The following SORCS2 variants were observed in gnomAD, a reference collection of about 807,000 sequenced individuals.
SORCS2 encodes the protein sortilin related VPS10 domain containing receptor 2.
In SORCS2, 100 loss-of-function variants were observed where a neutral mutation model predicts 141.6. That is an observed-to-expected ratio of 0.71 (90% CI 0.60 to 0.83). The LOEUF (loss-of-function observed/expected upper bound fraction) is 0.83, where lower values mean the gene tolerates loss of function less well. Ranked by LOEUF, SORCS2 falls within the 40% of genes least tolerant of loss-of-function variation. The pLI is 0.00. For missense variants in SORCS2, 1,646 were observed against 1,560.2 expected (o/e 1.05, Z -0.93); for synonymous variants, 789 against 676.9 (o/e 1.17, Z -2.57).
chr4:7,514,579 C>T (rs1732859525), intron 2 of SORCS2, among the ~76,000 whole-genome samples: 1 of 151,984 alleles, frequency 6.6e-6, no homozygotes. Context: ...CAGTGAGGGG[C>T]TTCCCACGGG....
chr4:7,261,874 A>G (rs1024488120), intron 1 of SORCS2, among the ~76,000 whole-genome samples: 73 of 152,396 alleles, frequency 4.8e-4, no homozygotes, highest in African/African-American at 1.7e-3. Flanking sequence ...TTAGTGAGCC[A>G]GATGACCGAG....
intron 1 of SORCS2, among the ~76,000 whole-genome samples, chr4:7,395,929 C>T (rs1724181641): frequency 6.6e-6 from 1 of 152,230 alleles, no homozygotes; most frequent in African/African-American, 2.4e-5. Flanking sequence ...CAAATGCGCT[C>T]CATCCTCACA....
At chr4:7,679,961 C>T (rs113828726) in intron 9 of SORCS2, among the ~76,000 whole-genome samples, 2,047 of 152,294 alleles carry the variant, frequency 0.013, 46 homozygotes, top group African/African-American at 0.043. Context: ...CCCAATAACA[C>T]AAACCATCAT....
intron 3 of SORCS2, among the ~76,000 whole-genome samples, chr4:7,586,556 C>T (rs1716550586): frequency 3.3e-5 from 5 of 152,144 alleles, no homozygotes. Flanking sequence ...CTCAGCTCCT[C>T]CTTGTAAGTG....
chr4:7,476,576 C>T (rs149340143), intron 2 of SORCS2, among the ~76,000 whole-genome samples: 1 of 152,266 alleles, frequency 6.6e-6, no homozygotes, highest in African/African-American at 2.4e-5. Flanking sequence ...TCACCTTTCT[C>T]TGCCAATAAA....
At position 7,622,194 on chromosome 4, in the gene SORCS2, G is replaced by A. The variant is rs1356382808; in HGVS notation, c.649-16134G>A. ...AGCCCCTACTCCAACCTGTAGCTCG[G>A]GTGGGAGGAAGACAGGGAGCAAGAA... On this transcript the variant is annotated intron_variant, in intron 3 of 26. Coordinates refer to ENST00000507866, the MANE Select transcript of SORCS2 (RefSeq NM_020777.3). Among the ~76,000 whole-genome samples the A allele has an allele frequency of 2.0e-5, 3 of 152,192 alleles. No homozygotes were observed. In the East Asian group the frequency reaches 5.8e-4, roughly 30 times the overall value.
intron 2 of SORCS2, among the ~76,000 whole-genome samples, chr4:7,416,617 C>T (rs775676020): frequency 2.6e-5 from 4 of 152,122 alleles, no homozygotes; most frequent in South Asian, 2.1e-4. Context: ...TACACAGACA[C>T]GCATATGGAC....
At chr4:7,313,775 C>T (rs1419761482) in intron 1 of SORCS2, among the ~76,000 whole-genome samples, 2 of 152,128 alleles carry the variant, frequency 1.3e-5, no homozygotes, top group African/African-American at 4.8e-5. Context: ...ATGATGTCAC[C>T]CCCCTGCTCA....
intron 1 of SORCS2, among the ~76,000 whole-genome samples, chr4:7,259,622 T>C (rs1361106325): frequency 6.6e-6 from 1 of 152,124 alleles, no homozygotes; most frequent in African/African-American, 2.4e-5. Context: ...CATCCTTTGA[T>C]GTAGCAGTAC....
At chr4:7,640,339 TGA>T (rs1489936616) in intron 4 of SORCS2, among the ~76,000 whole-genome samples, 114 of 149,652 alleles carry the variant, frequency 7.6e-4, no homozygotes, top group African/African-American at 2.3e-3. Context: ...TGTGGGTGTG[TGA>T]GAGTGTGAGA....
chr4:7,633,976 G>A (rs1720067534), intron 3 of SORCS2, among the ~76,000 whole-genome samples: 1 of 121,744 alleles, frequency 8.2e-6, no homozygotes, highest in African/African-American at 2.6e-5. Context: ...TGGCACAGAC[G>A]TGTGGGTCAA....
chr4:7,664,197 C>T lies in SORCS2; in HGVS notation c.953-156C>T, dbSNP rs913308515. Among the ~76,000 whole-genome samples the T allele has an allele frequency of 6.6e-6, 1 of 152,144 alleles. No homozygotes were observed. The highest frequency in any genetic ancestry group is 1.5e-5 in the Non-Finnish European group (1 of 68,038). ...GCCCACAGTGAGCGAGGATGACACC[C>T]TCAGCCGCAGGTGTCATCACGGTGG... is the stretch of plus-strand genomic sequence containing the variant. On this transcript the variant is annotated intron_variant, in intron 6 of 26. Coordinates refer to ENST00000507866, the MANE Select transcript of SORCS2 (RefSeq NM_020777.3). The surrounding 1 kb of genome is among the most constrained non-coding windows in gnomAD (Gnocchi z 4.7).
intron 17 of SORCS2, among the ~76,000 whole-genome samples, chr4:7,716,189 A>G (rs577023751): frequency 1.3e-5 from 2 of 152,240 alleles, no homozygotes; most frequent in Non-Finnish European, 2.9e-5. Flanking sequence ...GACATTTTTC[A>G]GAGAGGAAGA....
intron 1 of SORCS2, among the ~76,000 whole-genome samples, chr4:7,361,891 G>A (rs1227227691): frequency 7.0e-6 from 1 of 142,910 alleles, no homozygotes; most frequent in Non-Finnish European, 1.5e-5. Context: ...AGAGCACAGT[G>A]AGAAGCGGTG....
At chr4:7,703,784 G>C (rs1384683498) in intron 13 of SORCS2, among the ~76,000 whole-genome samples, 2 of 152,236 alleles carry the variant, frequency 1.3e-5, no homozygotes, top group African/African-American at 4.8e-5. Flanking sequence ...GGACCCAGAA[G>C]GCACAGCCGG....
chr4:7,210,201 T>C (rs1233010634), intron 1 of SORCS2, among the ~76,000 whole-genome samples: 1 of 152,206 alleles, frequency 6.6e-6, no homozygotes, highest in Non-Finnish European at 1.5e-5. Flanking sequence ...ATGTGAAGGC[T>C]GGGCCCCCGG....
At chr4:7,434,078 C>G in intron 2 of SORCS2, 1 of 1,611,448 alleles carries the variant, frequency 6.2e-7, no homozygotes, top group Non-Finnish European at 8.5e-7. Context: ...CCGTCCATGG[C>G]CACTACTTGA....
intron 5 of SORCS2, 72 bp downstream of exon 5, chr4:7,654,279 G>A (rs760956558): frequency 1.3e-6 from 2 of 1,484,732 alleles, no homozygotes; most frequent in Non-Finnish European, 1.8e-6. Context: ...CAAACCCTTG[G>A]GAGCCCATCC....
chr4:7,369,141 C>T (rs1247650424), intron 1 of SORCS2, among the ~76,000 whole-genome samples: 1 of 151,970 alleles, frequency 6.6e-6, no homozygotes, highest in Non-Finnish European at 1.5e-5. Context: ...ACCCTGTCTC[C>T]ACTAAAAAAT....
Sources: gnomAD v4.1 joint callset for allele counts (sites outside exome capture counted in the v4.1 genomes callset) on GRCh38, gnomAD v4.1.1 for gene constraint, Gnocchi (gnomAD v3.1) non-coding constraint, MANE v1.5 for transcripts, NCBI Gene and HGNC (gene_info 2026-07-23, HGNC 2026-07-21) for gene names.